The following PLSCR2 variants were observed in gnomAD, a reference collection of about 807,000 sequenced individuals.
The protein encoded by PLSCR2 is PL scramblase 2.
PLSCR2 carries 18 observed loss-of-function variants against 25.3 expected under a neutral mutation model. The ratio of observed to expected loss-of-function variants is 0.71; its 90% CI spans 0.49 to 1.06. The LOEUF is 1.06. Ranked by LOEUF, PLSCR2 falls within the 50% of genes least tolerant of loss-of-function variation. The probability of loss-of-function intolerance (pLI) is 0.00; values close to 1 mark genes in which losing one functional copy is unlikely to be tolerated. For missense variants in PLSCR2, 243 were observed against 269.5 expected, an observed-to-expected ratio of 0.90 and a Z score of 0.69; for synonymous variants, 88 against 87.3, an observed-to-expected ratio of 1.01 and a Z score of -0.04.
intron 2 of PLSCR2, among the ~76,000 whole-genome samples, chr3:146,400,514 C>T (rs4569626): frequency 0.53 from 79,493 of 150,958 alleles, 21,165 homozygotes; most frequent in South Asian, 0.71. Flanking sequence ...TATGCCATAG[C>T]CATTGAGCAG....
intron 1 of PLSCR2, among the ~76,000 whole-genome samples, chr3:146,488,201 A>G: frequency 6.6e-6 from 1 of 152,202 alleles, no homozygotes; most frequent in Non-Finnish European, 1.5e-5. Flanking sequence ...AAAGACTTAA[A>G]TGTAAAAACA....
chr3:146,471,248 A>T (rs796312247), intron 1 of PLSCR2, among the ~76,000 whole-genome samples: 2 of 151,866 alleles, frequency 1.3e-5, no homozygotes, highest in African/African-American at 4.8e-5. Flanking sequence ...TGTATACAAT[A>T]AAAAAAACAT....
chr3:146,481,013 G>C (rs1377743792), intron 1 of PLSCR2, among the ~76,000 whole-genome samples: 1 of 151,962 alleles, frequency 6.6e-6, no homozygotes, highest in African/African-American at 2.4e-5. Flanking sequence ...TGCAGAAAAG[G>C]CCTTCAAAAA....
rs138474113 is a variant in PLSCR2, at chr3:146,450,664, T to C, written c.484-1297A>G. 3.2e-3 allele frequency among the ~76,000 whole-genome samples: 484 copies of C among 152,274 alleles called. 4 individuals carry two copies. The highest frequency in any genetic ancestry group is 0.011 in the African/African-American group (466 of 41,544). On this transcript the variant is annotated intron_variant, in intron 5 of 6. Coordinates refer to ENST00000610787, the Ensembl canonical transcript of PLSCR2. ...AGCCTCTGCTGCTACATATCCAGAG[T>C]GAACATATATCATCTAAGCATTTGA...
chr3:146,410,234 A>G (rs551944958), intron 2 of PLSCR2, among the ~76,000 whole-genome samples: 4 of 152,316 alleles, frequency 2.6e-5, no homozygotes, highest in Non-Finnish European at 4.4e-5. Context: ...TTAAGATGAG[A>G]GAGTAGCCAC....
intron 1 of PLSCR2, 90 bp downstream of exon 1, chr3:146,469,405 G>T: frequency 1.1e-6 from 1 of 911,940 alleles, no homozygotes; most frequent in Non-Finnish European, 1.3e-6. Context: ...GCCCTCTGAC[G>T]CAAACACAAT....
At chr3:146,434,462 G>A (rs1315556996) in intron 8 of PLSCR2, among the ~76,000 whole-genome samples, 1 of 152,050 alleles carries the variant, frequency 6.6e-6, no homozygotes, top group Non-Finnish European at 1.5e-5. Flanking sequence ...ATTGTTTGAA[G>A]AAACCATGAC....
chr3:146,490,558 T>C (rs1183079553), intron 1 of PLSCR2, among the ~76,000 whole-genome samples: 2 of 152,146 alleles, frequency 1.3e-5, no homozygotes, highest in African/African-American at 4.8e-5. Context: ...TGGGTTTACA[T>C]ATATTTAGGA....
chr3:146,448,232 A>G (rs903915574), intron 6 of PLSCR2, among the ~76,000 whole-genome samples: 7 of 152,130 alleles, frequency 4.6e-5, no homozygotes, highest in Non-Finnish European at 1.0e-4. Flanking sequence ...TGCAATGGGG[A>G]TAATTCTCAG....
At chr3:146,428,785 G>A (rs917188770), downstream of PLSCR2, among the ~76,000 whole-genome samples, 1 of 152,162 alleles carries the variant, frequency 6.6e-6, no homozygotes, top group Admixed American at 6.6e-5. Context: ...CTTGCATAAA[G>A]ACTTATTTTC....
At chr3:146,471,212 A>G (rs1359980705) in intron 1 of PLSCR2, among the ~76,000 whole-genome samples, 2 of 152,190 alleles carry the variant, frequency 1.3e-5, no homozygotes, top group Non-Finnish European at 2.9e-5. Flanking sequence ...ATTGTGCTGT[A>G]GTCATCATCT....
chr3:146,423,074 G>A (rs1292464491), intron 2 of PLSCR2, among the ~76,000 whole-genome samples: 3 of 151,904 alleles, frequency 2.0e-5, no homozygotes, highest in Non-Finnish European at 4.4e-5. Flanking sequence ...CCATTTGGAG[G>A]GTCTGTGGGA....
At chr3:146,460,115 C>T (rs1469945295) in intron 1 of PLSCR2, 32 bp from the exon 2 acceptor site, 4 of 1,453,374 alleles carry the variant, frequency 2.8e-6, no homozygotes, top group Admixed American at 2.3e-5. Flanking sequence ...TAATTTGTAG[C>T]TGCCCAGAAA....
At chr3:146,464,606 ATATAT>A (rs942383089), upstream of PLSCR2, among the ~76,000 whole-genome samples, 4 of 152,200 alleles carry the variant, frequency 2.6e-5, no homozygotes, top group Admixed American at 6.5e-5. Context: ...AAGTCATATT[ATATAT>A]TATACCATTT....
chr3:146,415,778 A>G (rs1448151706), intron 2 of PLSCR2, among the ~76,000 whole-genome samples: 1 of 152,166 alleles, frequency 6.6e-6, no homozygotes, highest in Non-Finnish European at 1.5e-5. Context: ...ATTGTATTCA[A>G]TGTAGTACAG....
intron 2 of PLSCR2, among the ~76,000 whole-genome samples, chr3:146,423,282 T>TCTCTCTCTCCCC (rs758576585): frequency 1.7e-4 from 17 of 100,960 alleles, no homozygotes; most frequent in East Asian, 5.9e-4. Context: ...TCTCTCTCTC[T>TCTCTCTCTCCCC]CCCTGGCTAG....
At chr3:146,473,562 T>C (rs2042190763) in intron 1 of PLSCR2, among the ~76,000 whole-genome samples, 1 of 152,124 alleles carries the variant, frequency 6.6e-6, no homozygotes, top group Non-Finnish European at 1.5e-5. Flanking sequence ...CACCTCGACC[T>C]CCCAAAATGC....
intron 2 of PLSCR2, among the ~76,000 whole-genome samples, chr3:146,420,319 G>T (rs760170104): frequency 5.9e-5 from 9 of 151,886 alleles, no homozygotes; most frequent in Non-Finnish European, 1.0e-4. Flanking sequence ...ATGTGCACTG[G>T]TAAATACACA....
intron 2 of PLSCR2, among the ~76,000 whole-genome samples, chr3:146,404,470 T>A (rs766141966): frequency 3.9e-5 from 6 of 152,110 alleles, no homozygotes; most frequent in Non-Finnish European, 7.4e-5. Context: ...TTCTTAAAGG[T>A]CCCACATCAC....
Sources: gnomAD v4.1 joint callset for allele counts (sites outside exome capture counted in the v4.1 genomes callset) on GRCh38, gnomAD v4.1.1 for gene constraint, MANE v1.5 for transcripts, NCBI Gene and HGNC (gene_info 2026-07-23, HGNC 2026-07-21) for gene names.